The following SRPK2 variants were observed in gnomAD, a reference collection of about 807,000 sequenced individuals.
SRPK2 encodes SRSF protein kinase 2.
Under a neutral mutation model 90.8 loss-of-function variants are expected in SRPK2, and 21 were observed. That is an observed-to-expected ratio of 0.23 (90% CI 0.16 to 0.33). The LOEUF (loss-of-function observed/expected upper bound fraction) is 0.33. Among genes scored for constraint, SRPK2 ranks in the 10% least tolerant of loss-of-function variants. The pLI is 1.00. For missense variants in SRPK2, 620 were observed against 869.0 expected (o/e 0.71, Z 3.60); for synonymous variants, 288 against 311.1 (o/e 0.93, Z 0.78).
chr7:105,307,056 A>G (rs1258108379), intron 2 of SRPK2, among the ~76,000 whole-genome samples: 4 of 152,218 alleles, frequency 2.6e-5, no homozygotes, highest in Non-Finnish European at 5.9e-5. Flanking sequence ...ACACAAAGGC[A>G]GCTCAAAAGG....
intron 6 of SRPK2, among the ~76,000 whole-genome samples, chr7:105,165,864 C>G (rs1234607608): frequency 6.6e-6 from 1 of 152,198 alleles, no homozygotes; most frequent in East Asian, 1.9e-4. Flanking sequence ...TCCACACCAA[C>G]TTTAAGAGCT....
At chr7:105,383,053 A>ATTTTTTTTT (rs1161926443) in intron 2 of SRPK2, among the ~76,000 whole-genome samples, 2 of 101,666 alleles carry the variant, frequency 2.0e-5, no homozygotes, top group African/African-American at 7.2e-5. Context: ...AAAAGTAAAA[A>ATTTTTTTTT]TTTTTTTTTT....
chr7:105,375,528 A>G (rs920554593), intron 2 of SRPK2, among the ~76,000 whole-genome samples: 5 of 152,210 alleles, frequency 3.3e-5, no homozygotes, highest in Admixed American at 2.6e-4. Context: ...TTTAAAAAGA[A>G]AAGAAAATGT....
chr7:105,262,773 C>T (rs1804479094), intron 2 of SRPK2, among the ~76,000 whole-genome samples: 1 of 151,890 alleles, frequency 6.6e-6, no homozygotes, highest in Admixed American at 6.6e-5. Context: ...ATGGTGCAAA[C>T]TCTGGGTAAC....
chr7:105,366,424 C>T (rs1285557787), intron 2 of SRPK2, among the ~76,000 whole-genome samples: 10 of 139,306 alleles, frequency 7.2e-5, no homozygotes, highest in African/African-American at 2.7e-4. Flanking sequence ...GGCTGGAATG[C>T]AGTGGCATGA....
chr7:105,211,416 A>G (rs893353019), intron 2 of SRPK2, among the ~76,000 whole-genome samples: 1 of 152,206 alleles, frequency 6.6e-6, no homozygotes, highest in African/African-American at 2.4e-5. Context: ...AAGAGATTTA[A>G]TTGGCTCACA....
At chr7:105,352,456 C>T (rs950511127) in intron 2 of SRPK2, among the ~76,000 whole-genome samples, 22 of 152,248 alleles carry the variant, frequency 1.4e-4, no homozygotes, top group African/African-American at 5.3e-4. Flanking sequence ...ATCCTCCAGC[C>T]TCAGCCAAGC....
intron 6 of SRPK2, among the ~76,000 whole-genome samples, chr7:105,165,208 C>A (rs1789881157): frequency 6.6e-6 from 1 of 152,188 alleles, no homozygotes; most frequent in African/African-American, 2.4e-5. Context: ...ACATGCCAAC[C>A]CTTTCTACAA....
chr7:105,145,597 A>G (rs1804491360), intron 8 of SRPK2, among the ~76,000 whole-genome samples: 1 of 152,248 alleles, frequency 6.6e-6, no homozygotes, highest in African/African-American at 2.4e-5. Context: ...TCAAGCACCA[A>G]CAGATCACTT....
chr7:105,296,091 A>T (rs895505020), intron 2 of SRPK2, among the ~76,000 whole-genome samples: 1 of 51,658 alleles, frequency 1.9e-5, no homozygotes, highest in Non-Finnish European at 6.5e-5. Flanking sequence ...CTACTAAAGA[A>T]TGGCTCTGAA....
upstream of SRPK2, chr7:105,389,030 G>C (rs1822026240): frequency 5.4e-6 from 5 of 920,196 alleles, no homozygotes; most frequent in South Asian, 2.5e-4. Context: ...CGGGACCCCA[G>C]CGCCGCGCGC....
At chr7:105,226,927 G>T (rs1342536286) in intron 2 of SRPK2, among the ~76,000 whole-genome samples, 1 of 152,112 alleles carries the variant, frequency 6.6e-6, no homozygotes, top group Non-Finnish European at 1.5e-5. Flanking sequence ...GGGTGACAGA[G>T]CAAGACTCTG....
chr7:105,335,627 G>C (rs1049792788), intron 2 of SRPK2, among the ~76,000 whole-genome samples: 1 of 148,834 alleles, frequency 6.7e-6, no homozygotes, highest in Non-Finnish European at 1.5e-5. Flanking sequence ...ACTCCAGCCC[G>C]GGTGACAGAA....
At chr7:105,387,125 T>C (rs1202687526) in intron 2 of SRPK2, among the ~76,000 whole-genome samples, 2 of 152,254 alleles carry the variant, frequency 1.3e-5, no homozygotes, top group Non-Finnish European at 2.9e-5. Flanking sequence ...TACGTGTCTA[T>C]TTGTATATAC....
chr7:105,170,975 A>AAGAG lies in SRPK2; in HGVS notation c.230-1714_230-1711dup, dbSNP rs1167038075. On this transcript the variant is annotated intron_variant, in intron 3 of 15. Coordinates refer to ENST00000393651, the MANE Select transcript of SRPK2 (RefSeq NM_182692.3). ...AGAAAGAAAGAAAGAAAGAGAAAGA[A>AAGAG]AGAGAAAGAAAGAAAGAAAGAGAAA... 1.1e-4 allele frequency among the ~76,000 whole-genome samples: 6 copies of AAGAG among 56,274 alleles called. 1 individual carries two copies. Among genetic ancestry groups the AAGAG allele is most frequent in the Non-Finnish European group, 2.4e-4 (6 of 25,346 alleles). 36.9% of individuals were successfully genotyped at this position (56,274 alleles called of 152,430 possible).
intron 3 of SRPK2, among the ~76,000 whole-genome samples, chr7:105,190,418 C>T (rs1045573355): frequency 2.6e-5 from 4 of 152,166 alleles, no homozygotes; most frequent in Non-Finnish European, 5.9e-5. Flanking sequence ...GTTTCTTGTA[C>T]GTGTTCCTTT....
intron 2 of SRPK2, among the ~76,000 whole-genome samples, chr7:105,255,158 G>T: frequency 6.8e-6 from 1 of 147,550 alleles, no homozygotes; most frequent in Non-Finnish European, 1.5e-5. Context: ...ATGCTAAAAT[G>T]ATAATTAAGT....
intron 11 of SRPK2, among the ~76,000 whole-genome samples, chr7:105,138,351 G>A (rs545820988): frequency 6.6e-6 from 1 of 152,282 alleles, no homozygotes; most frequent in South Asian, 2.1e-4. Flanking sequence ...AGCATGGCCA[G>A]CAGGAGCAGA....
intron 2 of SRPK2, among the ~76,000 whole-genome samples, chr7:105,320,988 A>G (rs909986166): frequency 7.0e-6 from 1 of 142,704 alleles, no homozygotes; most frequent in Non-Finnish European, 1.6e-5. Flanking sequence ...GTACTACCAC[A>G]CTCAGCTAGT....
Sources: gnomAD v4.1 joint callset for allele counts (sites outside exome capture counted in the v4.1 genomes callset) on GRCh38, gnomAD v4.1.1 for gene constraint, MANE v1.5 for transcripts, NCBI Gene and HGNC (gene_info 2026-07-23, HGNC 2026-07-21) for gene names.